LRRC47: variants seen among roughly 807,000 people sequenced by gnomAD.
LRRC47 encodes leucine-rich repeat-containing protein 47.
In LRRC47, 31 loss-of-function variants were observed where a neutral mutation model predicts 40.9. The observed-to-expected ratio is 0.76, with a 90% confidence interval of 0.57 to 1.02. The LOEUF (loss-of-function observed/expected upper bound fraction) is 1.02, where lower values mean the gene tolerates loss of function less well. Ranked by LOEUF, LRRC47 falls within the 50% of genes least tolerant of loss-of-function variation. LRRC47 has a pLI of 0.00. For missense variants in LRRC47, 726 were observed against 796.1 expected (o/e 0.91, Z 1.06); for synonymous variants, 427 against 371.9 (o/e 1.15, Z -1.70).
rs375809584 is a variant in LRRC47 at position 3,786,971 on chromosome 1, C to T, written c.955G>A (p.Val319Ile). ...GGGCTCACTCTGACTGTCAGAGGTA[C>T]GGGGTTTTCAGAGACGTGCAGGACC... ...LRVLHVSENP[V>I]PLTVRVSPEV... Residue 319 changes from valine (V) to isoleucine (I), a missense_variant, in exon 2 of 7, where the codon GTA (valine) becomes ATA (isoleucine). Physicochemically the swap from Val to Ile is conservative, Grantham distance 29 (BLOSUM62 3). Transcript: ENST00000378251. The T allele has an allele frequency of 7.3e-5, 118 of 1,611,094 alleles. No individual in the cohort carries two copies. Among genetic ancestry groups the T allele is most frequent in the Middle Eastern group, 4.9e-4 (3 of 6,076 alleles).
chr1:3,790,376 G>A lies in LRRC47; in HGVS notation c.616-3066C>T, dbSNP rs1439997292. ...TGTGCAGCTTGGCCTTGGGAGGGGA[G>A]TGGCCCAGGGCCTGAAAGGATGTCT... On this transcript the variant is annotated intron_variant, in intron 1 of 6. Transcript: ENST00000378251. 5.9e-5 allele frequency among the ~76,000 whole-genome samples: 9 copies of A among 152,226 alleles called. 1 individual carries two copies. Among genetic ancestry groups the A allele is most frequent in the African/African-American group, 2.2e-4 (9 of 41,466 alleles).
rs1442310613 is a variant in LRRC47, at chr1:3,786,831, AC to A, written c.1077+17del. ...ACACCTCTGTCCCAGTCATCTGAGG[AC>A]CCCCACGGGCACCCACCTGCGAGGT... is the stretch of plus-strand genomic sequence containing the variant. On this transcript the variant is annotated intron_variant, in intron 2 of 6. Transcript: ENST00000378251. 4 of 1,560,694 alleles carry A rather than the reference AC, an allele frequency of 2.6e-6. 1 individual carries two copies. Among genetic ancestry groups the A allele is most frequent in the South Asian group, 2.4e-5 (2 of 83,604 alleles).
Position 3,795,906 on chromosome 1 carries a change from G to C in LRRC47, c.571C>G (p.Leu191Val). 1 of 1,598,952 alleles carries C rather than the reference G, an allele frequency of 6.3e-7. No homozygotes were observed. The highest frequency in any genetic ancestry group is 8.5e-7 in the Non-Finnish European group (1 of 1,177,110). The change falls in exon 1 of 7, where the codon CTC (leucine) becomes GTC (valine). Residue 191 changes from leucine to valine, a missense_variant. Leu to Val is a conservative substitution (Grantham distance 32). Transcript: ENST00000378251. ...GCGATGTCGGGGCTGAGTTCTCGGA[G>C]GCAGTTGTCAGCAGCCGCCAGTTCA... Reference protein sequence around the residue: ...LSELAAADNCLRELSPDIAHL... With the variant: ...LSELAAADNCVRELSPDIAHL...
chr1:3,789,499 A>C (rs1043752685), intron 1 of LRRC47, among the ~76,000 whole-genome samples: 2 of 152,260 alleles, frequency 1.3e-5, no homozygotes, highest in African/African-American at 2.4e-5. Flanking sequence ...GAGGCGAAGG[A>C]GGCGGGCGGG....
chr1:3,796,418 C>G lies in LRRC47; in HGVS notation c.59G>C (p.Arg20Pro). The change falls in exon 1 of 7, where the codon CGG becomes CCG. Residue 20 changes from arginine to proline, a missense_variant. By Grantham distance (103) the Arg-to-Pro change is moderately radical. Transcript: ENST00000378251. ...WPELELAERE[R>P]RRELLLTGPG... Reference sequence around the variant, plus strand: ...CCCCGTCAGCAGCAGCTCCCGCCGCCGCTCGCGCTCAGCCAGCTCCAGCTC... The same window carrying G: ...CCCCGTCAGCAGCAGCTCCCGCCGCGGCTCGCGCTCAGCCAGCTCCAGCTC... 1 of 1,518,294 alleles carries G rather than the reference C, an allele frequency of 6.6e-7. No homozygotes were observed. The highest frequency in any genetic ancestry group is 8.8e-7 in the Non-Finnish European group (1 of 1,140,872). 94.1% of individuals were successfully genotyped at this position (1,518,294 alleles called of 1,614,324 possible).
Position 3,796,454 on chromosome 1 carries a change from T to G in LRRC47, c.23A>C (p.Glu8Ala), listed in dbSNP as rs1412543104. MAAAAVSESWPELELAER... is the reference protein window; with the variant it reads MAAAAVSASWPELELAER... ...AGCCAGCTCCAGCTCCGGCCAAGAC[T>G]CTGACACCGCTGCCGCCGCCATGGC... Residue 8 changes from glutamate to alanine, a missense_variant, in exon 1 of 7, where the codon GAG becomes GCG. Physicochemically the swap from Glu to Ala is moderately radical, Grantham distance 107. Transcript: ENST00000378251. 8.6e-6 allele frequency: 13 copies of G among 1,516,176 alleles called. No individual in the cohort carries two copies. The highest frequency in any genetic ancestry group is 1.1e-5 in the Non-Finnish European group (13 of 1,140,680). 93.9% of individuals were successfully genotyped at this position (1,516,176 alleles called of 1,614,324 possible). A position where few individuals can be genotyped will look rare whatever the true frequency, so the allele number is the denominator to read the frequency against.
In LRRC47 at chr1:3,781,497, C is replaced by A. The variant is rs771342058; in HGVS notation, c.1503+15G>T. 6.2e-7 allele frequency: 1 copy of A among 1,610,996 alleles called. No individual in the cohort carries two copies. Among genetic ancestry groups the A allele is most frequent in the South Asian group, 1.1e-5 (1 of 90,878 alleles). Reference sequence around the variant, plus strand: ...GCTCAAAAGCGTTTCTCAGGAGGAGCCACCCCACACTCACCAGAATGAGGG... The same window carrying A: ...GCTCAAAAGCGTTTCTCAGGAGGAGACACCCCACACTCACCAGAATGAGGG... On this transcript the variant is annotated intron_variant, in intron 6 of 6. Transcript: ENST00000378251.
intron 1 of LRRC47, among the ~76,000 whole-genome samples, chr1:3,795,002 C>A (rs1643659859): frequency 1.4e-5 from 2 of 139,300 alleles, no homozygotes; most frequent in African/African-American, 5.6e-5. Context: ...TGAAGTGAGC[C>A]GAGATCGCGC....
Position 3,781,501 on chromosome 1 carries a change from C to A in LRRC47, c.1503+11G>T. On this transcript the variant is annotated intron_variant, in intron 6 of 6. Coordinates refer to ENST00000378251, the MANE Select transcript of LRRC47 (RefSeq NM_020710.3). ...AAAAGCGTTTCTCAGGAGGAGCCAC[C>A]CCACACTCACCAGAATGAGGGCATC... is the stretch of plus-strand genomic sequence containing the variant. The A allele has an allele frequency of 6.2e-7, 1 of 1,612,446 alleles. No homozygotes were observed. Among genetic ancestry groups the A allele is most frequent in the Non-Finnish European group, 8.5e-7 (1 of 1,178,866 alleles).
Position 3,784,085 on chromosome 1 carries a change from G to C in LRRC47, c.1221C>G (p.Ala407=), listed in dbSNP as rs762028198. 3 of 1,612,636 alleles carry C rather than the reference G, an allele frequency of 1.9e-6. No homozygotes were observed. The Admixed American group carries it at 5.0e-5, about 27-fold the overall frequency. Reference sequence around the variant, plus strand: ...GCTGCCGCACCAGCTCCTTGGCCTTGGCTTCTTTCCGCCCCAAGGGGACAA... The same window carrying C: ...GCTGCCGCACCAGCTCCTTGGCCTTCGCTTCTTTCCGCCCCAAGGGGACAA... The part of the protein sequence containing the change: ...LKIVPLGRKE[A]KAKELVRQLQ... The change falls in exon 4 of 7, where the codon GCC becomes GCG. Residue 407 remains alanine, a synonymous_variant. Transcript: ENST00000378251.
At chr1:3,793,780 C>T (rs913261924) in intron 1 of LRRC47, among the ~76,000 whole-genome samples, 2 of 152,166 alleles carry the variant, frequency 1.3e-5, no homozygotes, top group African/African-American at 4.8e-5. Flanking sequence ...AGGACCGTTT[C>T]CCACACCCCT....
chr1:3,794,692 A>T lies in LRRC47; in HGVS notation c.615+1170T>A, dbSNP rs930473825. ...ATATGTTACTTGTAAAATGAGTTGC[A>T]ATGTCTTGAGGAATTGCTACAGCAA... On this transcript the variant is annotated intron_variant, in intron 1 of 6. Coordinates refer to ENST00000378251, the MANE Select transcript of LRRC47 (RefSeq NM_020710.3). Among the ~76,000 whole-genome samples the T allele has an allele frequency of 4.0e-5, 6 of 151,876 alleles. No individual in the cohort carries two copies. The East Asian group carries it at 1.2e-3, about 29-fold the overall frequency.
In LRRC47 at chr1:3,781,591, G is replaced by A. The variant is rs753643625; in HGVS notation, c.1424C>T (p.Thr475Met). 4.2e-5 allele frequency: 67 copies of A among 1,613,022 alleles called. No individual in the cohort carries two copies. The highest frequency in any genetic ancestry group is 3.3e-5 in the Admixed American group (2 of 59,930). ...TNSEKTKVKK[T>M]TSDLFLEVTS... ...TACTTCCAAAAACAAATCAGAAGTC[G>A]TTTTCTTAACCTTAAAAGAAAAAAA... The change falls in exon 6 of 7, where the codon ACG becomes ATG. Residue 475 changes from threonine (T) to methionine (M), a missense_variant. By Grantham distance (81) the Thr-to-Met change is moderately conservative. Coordinates refer to ENST00000378251, the MANE Select transcript of LRRC47 (RefSeq NM_020710.3).
In LRRC47 at chr1:3,787,862, C is replaced by T. The variant is rs1038351319; in HGVS notation, c.616-552G>A. Among the ~76,000 whole-genome samples, 6 of 152,128 alleles carry T rather than the reference C, an allele frequency of 3.9e-5. No homozygotes were observed. In the East Asian group the frequency reaches 7.7e-4, roughly 20 times the overall value. On this transcript the variant is annotated intron_variant, in intron 1 of 6. Transcript: ENST00000378251. Reference sequence around the variant, plus strand: ...ACACACAGAGTGCTCTCAGGGTTCACGCAGGAAGGAAAGGGGAAAGCCGAC... The same window carrying T: ...ACACACAGAGTGCTCTCAGGGTTCATGCAGGAAGGAAAGGGGAAAGCCGAC...
chr1:3,787,174 G>C lies in LRRC47; in HGVS notation c.752C>G (p.Thr251Ser), dbSNP rs1364507411. 4 of 1,613,850 alleles carry C rather than the reference G, an allele frequency of 2.5e-6. No individual in the cohort carries two copies. The Admixed American group carries it at 6.7e-5, about 27-fold the overall frequency. Residue 251 changes from threonine to serine, a missense_variant, in exon 2 of 7, where the codon ACC (threonine) becomes AGC (serine). By Grantham distance (58) the Thr-to-Ser change is moderately conservative. Coordinates refer to ENST00000378251, the MANE Select transcript of LRRC47 (RefSeq NM_020710.3). ...RLEKMVSGCQ[T>S]RSILEYLRVG... Reference sequence around the variant, plus strand: ...GCGCAGGTACTCCAGGATGGATCTGGTCTGGCAGCCGCTGACCATCTTCTC... The same window carrying C: ...GCGCAGGTACTCCAGGATGGATCTGCTCTGGCAGCCGCTGACCATCTTCTC...
Position 3,796,030 on chromosome 1 carries a change from C to G in LRRC47, c.447G>C (p.Ala149=). The change falls in exon 1 of 7, where the codon GCG becomes GCC. Residue 149 remains alanine, a synonymous_variant. Transcript: ENST00000378251. ...NRLRELPADL[A]RCAPRLQSLN... ...GGCTCTGCAGGCGCGGGGCGCAGCG[C>G]GCCAGGTCGGCTGGCAGCTCGCGCA... The G allele has an allele frequency of 1.3e-6, 2 of 1,545,344 alleles. No homozygotes were observed. The highest frequency in any genetic ancestry group is 1.7e-6 in the Non-Finnish European group (2 of 1,147,640).
At position 3,785,094 on chromosome 1, in the gene LRRC47, T is replaced by C; in HGVS notation, c.1187A>G (p.Asp396Gly). Residue 396 changes from aspartate (D) to glycine (G), a missense_variant, in exon 3 of 7, where the codon GAC (aspartate) becomes GGC (glycine). Asp to Gly is a moderately conservative substitution (Grantham distance 94). Transcript: ENST00000378251. ...CAAAGGAGGCTGCAGCACCTTGAGG[T>C]CCTGTGGGGGCCGGGCGCAGTACAG... is the stretch of plus-strand genomic sequence containing the variant. The part of the protein sequence containing the change: ...PLLYCARPPQ[D>G]LKIVPLGRKE... 6.3e-7 allele frequency: 1 copy of C among 1,596,820 alleles called. No homozygotes were observed. The highest frequency in any genetic ancestry group is 8.5e-7 in the Non-Finnish European group (1 of 1,171,824).
In LRRC47 at chr1:3,789,232, C is replaced by G. The variant is rs538997240; in HGVS notation, c.616-1922G>C. 2.0e-4 allele frequency among the ~76,000 whole-genome samples: 31 copies of G among 152,268 alleles called. 1 individual carries two copies. The highest frequency in any genetic ancestry group is 4.4e-4 in the Non-Finnish European group (30 of 68,050). On this transcript the variant is annotated intron_variant, in intron 1 of 6. Transcript: ENST00000378251. ...CTCCCTGTCAGAGCCCTGGCTCCAG[C>G]GTTAGAACCAGCCTGGGCCACCAGC...
At chr1:3,789,283 G>A (rs1477443383) in intron 1 of LRRC47, among the ~76,000 whole-genome samples, 2 of 152,266 alleles carry the variant, frequency 1.3e-5, no homozygotes, top group African/African-American at 2.4e-5. Context: ...CCTGGCAGAG[G>A]CCAAGGGAAG....
Sources: gnomAD v4.1 joint callset for allele counts (sites outside exome capture counted in the v4.1 genomes callset) on GRCh38, gnomAD v4.1.1 for gene constraint, MANE v1.5 for transcripts, NCBI Gene and HGNC (gene_info 2026-07-23, HGNC 2026-07-21) for gene names.